MDM2: variants seen among roughly 807,000 people sequenced by gnomAD.
MDM2 encodes E3 ubiquitin-protein ligase Mdm2.
In MDM2, 11 loss-of-function variants were observed where a neutral mutation model predicts 64.3. The observed-to-expected ratio is 0.17, with a 90% CI of 0.11 to 0.28. The LOEUF is 0.28. Among genes scored for constraint, MDM2 ranks in the 10% least tolerant of loss-of-function variants. The probability of loss-of-function intolerance (pLI) is 1.00; values close to 1 mark genes in which losing one functional copy is unlikely to be tolerated. For missense variants in MDM2, 388 were observed against 577.1 expected (o/e 0.67, Z 3.36); for synonymous variants, 194 against 192.9 (o/e 1.01, Z -0.05).
At position 68,808,360 on chromosome 12, in the gene MDM2, T is replaced by G. The variant is rs1172360277; in HGVS notation, c.-118T>G. 10 of 1,384,752 alleles carry G rather than the reference T, an allele frequency of 7.2e-6. No individual in the cohort carries two copies. The African/African-American group carries it at 8.6e-5, about 12-fold the overall frequency. The allele number at this position is 1,384,752 out of a possible 1,614,324, so 85.8% of individuals were successfully genotyped here. ...CGGATTAGTGCGTACGAGCGCCCAG[T>G]GCCCTGGCCCGGAGAGTGGAATGAT... On this transcript the variant is annotated 5_prime_UTR_variant, in exon 1 of 11. Coordinates refer to ENST00000258149, the MANE Select transcript of MDM2 (RefSeq NM_002392.6).
chr12:68,823,300 C>A (rs3730561), intron 5 of MDM2, among the ~76,000 whole-genome samples: 14,626 of 152,176 alleles, frequency 0.096, 2,351 homozygotes, highest in African/African-American at 0.33. Context: ...TATATCCCAA[C>A]TCTGAAACTT....
At chr12:68,831,959 A>G (rs1172242516) in intron 8 of MDM2, among the ~76,000 whole-genome samples, 10 of 152,066 alleles carry the variant, frequency 6.6e-5, no homozygotes, top group Non-Finnish European at 1.5e-5. Flanking sequence ...TAATCTAGCT[A>G]CTCAGGAGGC....
At chr12:68,836,094 C>A in intron 9 of MDM2, 110 bp downstream of exon 9, 3 of 991,820 alleles carry the variant, frequency 3.0e-6, no homozygotes, top group Non-Finnish European at 4.2e-6. Context: ...GAAATCTTTA[C>A]CTCTTGATTT....
intron 7 of MDM2, among the ~76,000 whole-genome samples, chr12:68,827,331 G>A (rs1456666906): frequency 6.6e-6 from 1 of 151,918 alleles, no homozygotes; most frequent in Non-Finnish European, 1.5e-5. Context: ...TCAAGTACAT[G>A]ACTCAAGATT....
At chr12:68,820,477 G>A in intron 5 of MDM2, 103 bp downstream of exon 5, 1 of 903,016 alleles carries the variant, frequency 1.1e-6, no homozygotes, top group Non-Finnish European at 1.7e-6. Context: ...TTTAAAAGTT[G>A]CTTTAATTAA....
downstream of MDM2, chr12:68,847,647 G>T (rs967095274): frequency 4.0e-5 from 6 of 151,290 alleles, no homozygotes; most frequent in South Asian, 4.2e-4. Flanking sequence ...TAGAGACGGG[G>T]TTTCACCGTG....
At chr12:68,819,786 C>T (rs1451767724) in intron 4 of MDM2, among the ~76,000 whole-genome samples, 13 of 152,232 alleles carry the variant, frequency 8.5e-5, no homozygotes, top group African/African-American at 2.7e-4. Context: ...TGAGCCACTG[C>T]GCCCGGCCTC....
chr12:68,813,334 T>C (rs970497900), intron 2 of MDM2, among the ~76,000 whole-genome samples: 2 of 152,326 alleles, frequency 1.3e-5, no homozygotes, highest in South Asian at 2.1e-4. Flanking sequence ...GCAGGTAATA[T>C]AAATAGCTGA....
At chr12:68,815,433 C>CTTTTTTTTTTTT (rs58178593) in intron 3 of MDM2, among the ~76,000 whole-genome samples, 6 of 93,060 alleles carry the variant, frequency 6.4e-5, no homozygotes, top group African/African-American at 1.8e-4. Flanking sequence ...GTTTCTTCTT[C>CTTTTTTTTTTTT]TTTTTTTTTT....
At chr12:68,808,566 C>G (rs371820252) in intron 1 of MDM2, 75 bp downstream of exon 1, 2 of 1,600,844 alleles carry the variant, frequency 1.2e-6, no homozygotes, top group African/African-American at 2.7e-5. Flanking sequence ...GGTTCCCAGC[C>G]TCTGCCCGTT....
At chr12:68,833,278 TAA>T in intron 8 of MDM2, among the ~76,000 whole-genome samples, 2 of 70,392 alleles carry the variant, frequency 2.8e-5, no homozygotes, top group South Asian at 3.5e-4. Context: ...TATATTTATA[TAA>T]ATATAAATAT....
chr12:68,820,911 GTAAGTCAA>G (rs1016517050), intron 5 of MDM2, among the ~76,000 whole-genome samples: 1 of 151,914 alleles, frequency 6.6e-6, no homozygotes, highest in Non-Finnish European at 1.5e-5. Context: ...ATATACATGG[GTAAGTCAA>G]TAAGTGTTTT....
Position 68,839,816 on chromosome 12 carries a change from A to T in MDM2, c.1461A>T (p.Pro487=). The T allele has an allele frequency of 6.2e-7, 1 of 1,614,178 alleles. No homozygotes were observed. The highest frequency in any genetic ancestry group is 1.1e-5 in the South Asian group (1 of 91,074). Residue 487 remains proline (P), a synonymous_variant, in exon 11 of 11, where the codon CCA becomes CCT. Transcript: ENST00000258149. ...RNKPCPVCRQ[P]IQMIVLTYFP The stretch of plus-strand genomic sequence containing the variant: ...AGCCCTGCCCAGTATGTAGACAACC[A>T]ATTCAAATGATTGTGCTAACTTATT...
At chr12:68,831,330 G>A (rs571233042) in intron 8 of MDM2, among the ~76,000 whole-genome samples, 2 of 152,304 alleles carry the variant, frequency 1.3e-5, no homozygotes, top group East Asian at 1.9e-4. Flanking sequence ...TTTATGTGAC[G>A]GCTGGAGGGG....
intron 4 of MDM2, among the ~76,000 whole-genome samples, chr12:68,818,663 G>A (rs1034936515): frequency 2.0e-5 from 3 of 149,756 alleles, no homozygotes; most frequent in East Asian, 1.9e-4. Flanking sequence ...CATTTTATAC[G>A]TGGCCTTGGT....
Position 68,820,528 on chromosome 12 carries a change from A to G in MDM2, c.358+154A>G. The stretch of plus-strand genomic sequence containing the variant: ...TATGATAAATTTATTAGAAGTACAT[A>G]TGAACTAAAACCACATACTGAGGTT... On this transcript the variant is annotated intron_variant, in intron 5 of 10. Coordinates refer to ENST00000258149, the MANE Select transcript of MDM2 (RefSeq NM_002392.6). The G allele has an allele frequency of 6.3e-6, 4 of 635,264 alleles. No homozygotes were observed. In the South Asian group the frequency reaches 7.8e-5, roughly 12 times the overall value. 39.4% of individuals were successfully genotyped at this position (635,264 alleles called of 1,614,324 possible).
chr12:68,814,484 T>A (rs1881180803), intron 3 of MDM2: 1 of 266,204 alleles, frequency 3.8e-6, no homozygotes, highest in African/African-American at 2.2e-5. Flanking sequence ...ACTGTTGTGA[T>A]TTGTTGCCTA....
chr12:68,830,501 C>T (rs770102145), intron 8 of MDM2, among the ~76,000 whole-genome samples: 1 of 152,130 alleles, frequency 6.6e-6, no homozygotes, highest in Non-Finnish European at 1.5e-5. Flanking sequence ...TGAGATGGCA[C>T]TGCAGATACA....
chr12:68,824,295 T>G (rs1882113326), intron 5 of MDM2, 68 bp from the exon 6 acceptor site: 2 of 1,054,660 alleles, frequency 1.9e-6, no homozygotes, highest in East Asian at 4.8e-5. Flanking sequence ...TGATAGCATA[T>G]CTACTGAGTA....
Sources: gnomAD v4.1 joint callset for allele counts (sites outside exome capture counted in the v4.1 genomes callset) on GRCh38, gnomAD v4.1.1 for gene constraint, MANE v1.5 for transcripts, NCBI Gene and HGNC (gene_info 2026-07-23, HGNC 2026-07-21) for gene names.